The following BCORL1 variants were observed in gnomAD, a reference collection of about 807,000 sequenced individuals.
The protein encoded by BCORL1 is BCL6 corepressor like 1, also known as BCL-6 corepressor-like protein 1.
BCORL1 carries 7 observed loss-of-function variants against 87.6 expected under a neutral mutation model. The ratio of observed to expected loss-of-function variants is 0.08; its 90% CI spans 0.05 to 0.15. BCORL1 has a LOEUF of 0.15. Among genes scored for constraint, BCORL1 ranks in the 10% least tolerant of loss-of-function variants. The probability of loss-of-function intolerance (pLI) is 1.00; values close to 1 mark genes in which losing one functional copy is unlikely to be tolerated. For synonymous variants in BCORL1, 591 were observed against 634.4 expected (o/e 0.93, Z 1.03); for missense variants, 1,215 against 1,499.7 (o/e 0.81, Z 3.13).
rs749324095 is a variant in BCORL1, at chrX:130,056,106, C to G, written c.5328C>G (p.Ser1776=). 2 of 1,182,803 alleles carry G rather than the reference C, an allele frequency of 1.7e-6. No homozygotes were observed. The highest frequency in any genetic ancestry group is 3.0e-5 in the East Asian group (1 of 33,218). Residue 1776 remains serine (S), a synonymous_variant, in exon 14 of 14, where the codon TCC becomes TCG. Coordinates refer to ENST00000540052, the MANE Select transcript of BCORL1 (RefSeq NM_001379451.1). ...YEPDLLRLLG[S]EVEFQSCNS The stretch of plus-strand genomic sequence containing the variant: ...CAGACCTACTTCGGCTCCTAGGGTC[C>G]GAGGTGGAATTCCAGTCTTGCAACA...
At chrX:130,035,773 T>C (rs765556703) in intron 9 of BCORL1, among the ~76,000 whole-genome samples, 5 of 112,634 alleles carry the variant, frequency 4.4e-5, no homozygotes, top group East Asian at 2.8e-4. Context: ...CAGGAAACCA[T>C]TGGAGGGGCC....
Position 130,001,037 on chromosome X carries a change from A to G in BCORL1, c.-44-4151A>G, listed in dbSNP as rs1306184733. 2.7e-5 allele frequency among the ~76,000 whole-genome samples: 3 copies of G among 111,044 alleles called. No homozygotes were observed. In the East Asian group the frequency reaches 8.4e-4, roughly 31 times the overall value. On this transcript the variant is annotated intron_variant, in intron 1 of 13. Transcript: ENST00000540052. Reference sequence around the variant, plus strand: ...CATGCATTTACTGAGTAGTTACTATACGTAAGGTGTCGTGGAGGAAACAAA... The same window carrying G: ...CATGCATTTACTGAGTAGTTACTATGCGTAAGGTGTCGTGGAGGAAACAAA...
At chrX:129,996,507 C>G (rs1281826303) in intron 1 of BCORL1, among the ~76,000 whole-genome samples, 1 of 111,294 alleles carries the variant, frequency 9.0e-6, no homozygotes, top group African/African-American at 3.3e-5. Context: ...TGTAGAAGAC[C>G]GAGTTGTGTT....
intron 11 of BCORL1, among the ~76,000 whole-genome samples, chrX:130,039,640 C>A (rs1342810984): frequency 8.8e-6 from 1 of 113,009 alleles, no homozygotes; most frequent in Admixed American, 9.3e-5. Flanking sequence ...AATGGGATGT[C>A]AGTTGCAACA....
upstream of BCORL1, among the ~76,000 whole-genome samples, chrX:129,982,317 G>A (rs1926175579): frequency 9.0e-6 from 1 of 111,163 alleles, no homozygotes; most frequent in Non-Finnish European, 1.9e-5. Flanking sequence ...TCCGGAATCC[G>A]CTCGGTCCTC....
chrX:130,056,007 C>T lies in BCORL1; in HGVS notation c.5229C>T (p.Ala1743=), dbSNP rs746115267. Residue 1743 remains alanine (A), a synonymous_variant, in exon 14 of 14, where the codon GCC becomes GCT. Transcript: ENST00000540052. ...CCTCCAGTCAGCTGCTGACCCCTGCCGAGAGGCCTGGAGGCTTGGACGACA... is the reference window on the plus strand; with the variant it reads ...CCTCCAGTCAGCTGCTGACCCCTGCTGAGAGGCCTGGAGGCTTGGACGACA... ...QVASSQLLTP[A]ERPGGLDDRS... The T allele has an allele frequency of 4.1e-6, 5 of 1,212,260 alleles. No individual in the cohort carries two copies. Among genetic ancestry groups the T allele is most frequent in the Admixed American group, 2.2e-5 (1 of 46,126 alleles).
chrX:130,031,922 G>A (rs773048204), intron 8 of BCORL1, among the ~76,000 whole-genome samples: 1 of 111,357 alleles, frequency 9.0e-6, no homozygotes, highest in Admixed American at 9.6e-5. Flanking sequence ...TGAGACTTAC[G>A]CGTGAAACTC....
chrX:130,000,158 A>T (rs1344693271), intron 1 of BCORL1, among the ~76,000 whole-genome samples: 1 of 108,870 alleles, frequency 9.2e-6, no homozygotes, highest in East Asian at 2.9e-4. Context: ...TGATCCTCCC[A>T]CCTCAGCCTC....
chrX:129,982,534 G>C (rs748958689), upstream of BCORL1: 17 of 108,339 alleles, frequency 1.6e-4, no homozygotes, highest in African/African-American at 5.0e-4. Context: ...CGCCGCCCGC[G>C]GACCCAGCCG....
Position 130,014,426 on chromosome X carries a change from T to C in BCORL1, c.1654T>C (p.Ser552Pro). 1 of 1,211,083 alleles carries C rather than the reference T, an allele frequency of 8.3e-7. No homozygotes were observed. Among genetic ancestry groups the C allele is most frequent in the African/African-American group, 1.7e-5 (1 of 57,549 alleles). The change falls in exon 4 of 14, where the codon TCC (serine) becomes CCC (proline). Residue 552 changes from serine to proline, a missense_variant. Ser to Pro is a moderately conservative substitution (Grantham distance 74). Around this residue, in one of 5 missense-constraint regions of BCORL1, gnomAD observed 861 missense variants for 1,010.0 expected, o/e 0.85. Transcript: ENST00000540052. ...GGTCCCTGGGCCTTTGGCAGATACCTCCCTTGTTACTGCTTCTGCCAAGGT... is the reference window on the plus strand; with the variant it reads ...GGTCCCTGGGCCTTTGGCAGATACCCCCCTTGTTACTGCTTCTGCCAAGGT... Reference protein sequence around the residue: ...DGVPGPLADTSLVTASAKVLP... With the variant: ...DGVPGPLADTPLVTASAKVLP...
chrX:130,005,460 G>A, intron 2 of BCORL1, 143 bp downstream of exon 2: 1 of 538,958 alleles, frequency 1.9e-6, no homozygotes, highest in Non-Finnish European at 3.1e-6. Flanking sequence ...CCTGTGGTGG[G>A]ATGGGGATGG....
At chrX:130,036,343 C>T (rs1462515424) in intron 9 of BCORL1, among the ~76,000 whole-genome samples, 1 of 110,605 alleles carries the variant, frequency 9.0e-6, no homozygotes, top group Non-Finnish European at 1.9e-5. Flanking sequence ...TCACTGCAGC[C>T]TCCACCTCCT....
intron 8 of BCORL1, 45 bp from the exon 9 acceptor site, chrX:130,034,410 G>A: frequency 1.1e-6 from 1 of 928,469 alleles, no homozygotes; most frequent in South Asian, 2.0e-5. Context: ...GGATGGATAA[G>A]CTGCCTGGCC....
In BCORL1 at chrX:130,056,376, A is replaced by G; in HGVS notation, c.*240A>G. 3.1e-6 allele frequency: 1 copy of G among 321,337 alleles called. No homozygotes were observed. Among genetic ancestry groups the G allele is most frequent in the East Asian group, 5.1e-5 (1 of 19,481 alleles). The allele number at this position is 321,337 out of a possible 1,213,427, so 26.5% of individuals were successfully genotyped here. A position where few individuals can be genotyped will look rare whatever the true frequency, so the allele number is the denominator to read the frequency against. On this transcript the variant is annotated 3_prime_UTR_variant, in exon 14 of 14. Coordinates refer to ENST00000540052, the MANE Select transcript of BCORL1 (RefSeq NM_001379451.1). ...GTTGCTGATGGGGGTGGAAAGTTGA[A>G]CTCCATGTCTGAGGACAAGAGGTCC...
At chrX:130,036,174 C>T (rs182435208) in intron 9 of BCORL1, among the ~76,000 whole-genome samples, 207 of 113,127 alleles carry the variant, frequency 1.8e-3, no homozygotes, top group African/African-American at 6.4e-3. Flanking sequence ...TGCTTCAAGT[C>T]CCTGGTGTCC....
Position 130,050,727 on chromosome X carries a change from G to C in BCORL1, c.4851G>C (p.Ser1617=), listed in dbSNP as rs35736519. Residue 1617 remains serine (S), a synonymous_variant, in exon 12 of 14, where the codon TCG becomes TCC. Transcript: ENST00000540052. ...TMKRFLSDHL[S]DLQGRAEGDP... ...CTCTTCTTTCATCAGATCACCTCTC[G>C]GATCTTCAGGGCCGGGCAGAGGGTG... The C allele has an allele frequency of 2.5e-6, 3 of 1,208,956 alleles. No homozygotes were observed. The African/African-American group carries it at 5.3e-5, about 21-fold the overall frequency.
chrX:130,005,957 C>CAA (rs1928458271), intron 2 of BCORL1, among the ~76,000 whole-genome samples: 1 of 110,962 alleles, frequency 9.0e-6, no homozygotes, highest in Admixed American at 9.6e-5. Flanking sequence ...TTTGCTGCAT[C>CAA]AAAGTTTGGT....
chrX:130,053,313 A>G (rs1023137036), intron 13 of BCORL1, among the ~76,000 whole-genome samples: 10 of 95,983 alleles, frequency 1.0e-4, no homozygotes, highest in African/African-American at 3.4e-4. Context: ...CCCCACACGC[A>G]TAGCCTGATC....
chrX:130,015,466 G>T lies in BCORL1; in HGVS notation c.2694G>T (p.Glu898Asp). 1.6e-6 allele frequency: 2 copies of T among 1,212,219 alleles called. No individual in the cohort carries two copies. Among genetic ancestry groups the T allele is most frequent in the Non-Finnish European group, 2.2e-6 (2 of 895,580 alleles). ...QPRPGGSFVP[E>D]QDPVTKNKTC... ...GGCCTGGGGGCTCCTTCGTTCCAGA[G>T]CAGGACCCTGTTACAAAGAACAAAA... Residue 898 changes from glutamate (E) to aspartate (D), a missense_variant, in exon 4 of 14, where the codon GAG becomes GAT. Coordinates refer to ENST00000540052, the MANE Select transcript of BCORL1 (RefSeq NM_001379451.1).
Sources: gnomAD v4.1 joint callset for allele counts (sites outside exome capture counted in the v4.1 genomes callset) on GRCh38, gnomAD v4.1.1 for gene constraint, gnomAD v4.1.1 regional missense constraint, MANE v1.5 for transcripts, NCBI Gene and HGNC (gene_info 2026-07-23, HGNC 2026-07-21) for gene names.